FBXL17: variants seen among roughly 807,000 people sequenced by gnomAD.
FBXL17 encodes F-box/LRR-repeat protein 17.
FBXL17 carries 22 observed loss-of-function variants against 66.2 expected under a neutral mutation model. The observed-to-expected ratio is 0.33, with a 90% CI of 0.24 to 0.47. The LOEUF (loss-of-function observed/expected upper bound fraction) is 0.47. Ranked by LOEUF, FBXL17 falls within the 20% of genes least tolerant of loss-of-function variation. FBXL17 has a pLI of 1.00. For synonymous variants in FBXL17, 474 were observed against 400.5 expected, an observed-to-expected ratio of 1.18 and a Z score of -2.19; for missense variants, 878 against 948.2, an observed-to-expected ratio of 0.93 and a Z score of 0.97.
At position 108,136,428 on chromosome 5, in the gene FBXL17, C is replaced by T. The variant is rs79540003; in HGVS notation, c.1745+49689G>A. Among the ~76,000 whole-genome samples, 1,171 of 152,210 alleles carry T rather than the reference C, an allele frequency of 7.7e-3. 16 individuals carry two copies. Among genetic ancestry groups the T allele is most frequent in the African/African-American group, 0.026 (1,097 of 41,526 alleles). ...AGTTTCTGTAATACATTTCTGGGTACGCTACAACACCAAGTTTAAACAATG... is the reference window on the plus strand; with the variant it reads ...AGTTTCTGTAATACATTTCTGGGTATGCTACAACACCAAGTTTAAACAATG... On this transcript the variant is annotated intron_variant, in intron 6 of 8. Transcript: ENST00000542267.
At chr5:107,936,405 C>T (rs1032187360) in intron 7 of FBXL17, among the ~76,000 whole-genome samples, 6 of 151,958 alleles carry the variant, frequency 3.9e-5, no homozygotes, top group African/African-American at 1.4e-4. Context: ...GTCAAAAATG[C>T]TTGCAAGTTA....
chr5:107,975,098 T>C (rs1752527765), intron 7 of FBXL17, among the ~76,000 whole-genome samples: 1 of 152,224 alleles, frequency 6.6e-6, no homozygotes, highest in Admixed American at 6.5e-5. Flanking sequence ...GAGAAAGTTC[T>C]CATTCTTAAA....
chr5:108,154,695 GT>G (rs1005995354), intron 6 of FBXL17, among the ~76,000 whole-genome samples: 1 of 130,646 alleles, frequency 7.7e-6, no homozygotes, highest in African/African-American at 2.9e-5. Flanking sequence ...ACATATATAT[GT>G]ATATACATAT....
chr5:108,026,454 C>T (rs12332109), intron 6 of FBXL17, among the ~76,000 whole-genome samples: 49,960 of 152,010 alleles, frequency 0.33, 9,506 homozygotes, highest in Admixed American at 0.43. Flanking sequence ...CAACACAATA[C>T]CAAATATACA....
chr5:108,296,832 A>G (rs1285755225), intron 4 of FBXL17, among the ~76,000 whole-genome samples: 1 of 151,662 alleles, frequency 6.6e-6, no homozygotes, highest in African/African-American at 2.4e-5. Context: ...TTCAAACAAA[A>G]TAACACATTC....
At chr5:107,869,307 G>A (rs1245028659) in intron 8 of FBXL17, among the ~76,000 whole-genome samples, 2 of 152,102 alleles carry the variant, frequency 1.3e-5, no homozygotes, top group African/African-American at 4.8e-5. Context: ...AGATATCCAT[G>A]GAACCTGGTA....
chr5:107,868,781 A>G (rs898479918), intron 8 of FBXL17, among the ~76,000 whole-genome samples: 6 of 152,212 alleles, frequency 3.9e-5, no homozygotes, highest in Non-Finnish European at 1.5e-5. Flanking sequence ...TTTCCAAATG[A>G]AGTGATATTT....
intron 7 of FBXL17, among the ~76,000 whole-genome samples, chr5:107,938,284 A>G (rs1438638335): frequency 2.7e-5 from 4 of 145,664 alleles, no homozygotes; most frequent in East Asian, 2.0e-4. Flanking sequence ...GCTGTTTAAG[A>G]AAAAAAAAAA....
intron 7 of FBXL17, among the ~76,000 whole-genome samples, chr5:107,901,785 C>A (rs1182751122): frequency 6.6e-6 from 1 of 152,134 alleles, no homozygotes; most frequent in African/African-American, 2.4e-5. Flanking sequence ...AGATAAATGG[C>A]AACCAACACT....
At chr5:108,071,335 C>A (rs1580401872) in intron 6 of FBXL17, among the ~76,000 whole-genome samples, 1 of 152,196 alleles carries the variant, frequency 6.6e-6, no homozygotes, top group East Asian at 1.9e-4. Flanking sequence ...CAGTAACTAT[C>A]TGCTTCAGGC....
chr5:108,142,952 C>T (rs1270848665), intron 6 of FBXL17, among the ~76,000 whole-genome samples: 1 of 135,600 alleles, frequency 7.4e-6, no homozygotes, highest in Non-Finnish European at 1.6e-5. Context: ...CCTGCACGTT[C>T]TGCACATGTA....
At chr5:108,236,323 C>T (rs1183446014) in intron 4 of FBXL17, among the ~76,000 whole-genome samples, 1 of 151,790 alleles carries the variant, frequency 6.6e-6, no homozygotes, top group Non-Finnish European at 1.5e-5. Context: ...ACCAACCTGG[C>T]CAACATGATG....
chr5:108,159,924 T>C (rs1427185739), intron 6 of FBXL17, among the ~76,000 whole-genome samples: 1 of 152,126 alleles, frequency 6.6e-6, no homozygotes, highest in Admixed American at 6.5e-5. Flanking sequence ...ATTTTCTCAT[T>C]AGGAGAGTAA....
At chr5:107,864,138 T>C (rs1460504192) in intron 8 of FBXL17, among the ~76,000 whole-genome samples, 4 of 152,196 alleles carry the variant, frequency 2.6e-5, no homozygotes, top group African/African-American at 9.7e-5. Context: ...AATATAATAA[T>C]ATGCCTCGCA....
At chr5:108,115,482 A>T (rs1420141072) in intron 6 of FBXL17, among the ~76,000 whole-genome samples, 1 of 152,092 alleles carries the variant, frequency 6.6e-6, no homozygotes, top group African/African-American at 2.4e-5. Flanking sequence ...CATTGGCTCA[A>T]TTCATTACAA....
At chr5:108,237,392 T>A (rs1755653697) in intron 4 of FBXL17, among the ~76,000 whole-genome samples, 1 of 152,088 alleles carries the variant, frequency 6.6e-6, no homozygotes, top group Admixed American at 6.6e-5. Context: ...AATCTGCAGC[T>A]TGCATCCCAG....
At chr5:107,948,570 G>A (rs545846687) in intron 7 of FBXL17, among the ~76,000 whole-genome samples, 19 of 152,314 alleles carry the variant, frequency 1.2e-4, no homozygotes, top group Admixed American at 4.6e-4. Context: ...CCTCTCCAGA[G>A]AGTAAACAGA....
intron 7 of FBXL17, among the ~76,000 whole-genome samples, chr5:107,918,177 C>G (rs1750196356): frequency 6.6e-6 from 1 of 152,106 alleles, no homozygotes; most frequent in South Asian, 2.1e-4. Context: ...GGCAGAAGAC[C>G]CAGAGCAATG....
intron 6 of FBXL17, among the ~76,000 whole-genome samples, chr5:108,103,310 C>G (rs1749670569): frequency 6.6e-6 from 1 of 152,230 alleles, no homozygotes; most frequent in South Asian, 2.1e-4. Flanking sequence ...CTGCAGCTTA[C>G]GGTTTTAAGC....
Sources: allele counts gnomAD v4.1 joint callset (sites outside exome capture counted in the v4.1 genomes callset), GRCh38; gene constraint gnomAD v4.1.1; transcripts MANE v1.5; gene names NCBI Gene and HGNC (gene_info 2026-07-23, HGNC 2026-07-21).